The following ZSWIM9 variants were observed in gnomAD, a reference collection of about 807,000 sequenced individuals.
The protein encoded by ZSWIM9 is zinc finger SWIM-type containing 9, also known as uncharacterized protein ZSWIM9.
In ZSWIM9, 11 loss-of-function variants were observed where a neutral mutation model predicts 25.0. The observed-to-expected ratio is 0.44, with a 90% CI of 0.28 to 0.73. The LOEUF (loss-of-function observed/expected upper bound fraction) is 0.73. ZSWIM9 is among the 30% of genes least tolerant of loss of function. The probability of loss-of-function intolerance (pLI) is 0.16; values close to 1 mark genes in which losing one functional copy is unlikely to be tolerated. For synonymous variants in ZSWIM9, 562 were observed against 582.1 expected (o/e 0.97, Z 0.50); for missense variants, 1,070 against 1,296.5 (o/e 0.83, Z 2.68).
At position 48,196,744 on chromosome 19, in the gene ZSWIM9, T is replaced by C; in HGVS notation, c.2680T>C (p.Phe894Leu). 1.6e-6 allele frequency: 2 copies of C among 1,233,550 alleles called. No homozygotes were observed. Among genetic ancestry groups the C allele is most frequent in the Non-Finnish European group, 2.0e-6 (2 of 988,970 alleles). 76.4% of individuals were successfully genotyped at this position (1,233,550 alleles called of 1,614,324 possible). Residue 894 changes from phenylalanine to leucine, a missense_variant, in exon 4 of 4, where the codon TTT becomes CTT. Physicochemically the swap from Phe to Leu is conservative, Grantham distance 22. Around this residue, in one of 4 missense-constraint regions of ZSWIM9, gnomAD observed 583 missense variants for 624.7 expected, o/e 0.93. Transcript: ENST00000614654. Reference protein sequence around the residue: ...AARRLPCRHLFAARLLTGAAL... With the variant: ...AARRLPCRHLLAARLLTGAAL... ...CCGCCGTCTGCCCTGCAGACACCTCTTTGCAGCGCGCCTCCTCACTGGGGC... is the reference window on the plus strand; with the variant it reads ...CCGCCGTCTGCCCTGCAGACACCTCCTTGCAGCGCGCCTCCTCACTGGGGC...
intron 3 of ZSWIM9, among the ~76,000 whole-genome samples, chr19:48,188,472 C>T (rs1184988806): frequency 6.6e-6 from 1 of 151,944 alleles, no homozygotes; most frequent in Non-Finnish European, 1.5e-5. Flanking sequence ...GGTGATCTGC[C>T]TGCCTCGGCC....
intron 2 of ZSWIM9, among the ~76,000 whole-genome samples, chr19:48,180,103 G>A (rs1003168581): frequency 3.9e-5 from 6 of 151,906 alleles, no homozygotes; most frequent in Non-Finnish European, 8.8e-5. Flanking sequence ...CGCAACGTCC[G>A]CCTCCTGGGT....
Position 48,195,967 on chromosome 19 carries a change from G to A in ZSWIM9, c.1903G>A (p.Glu635Lys), listed in dbSNP as rs762506202. ...CTGGAGGGGGGCGCAGCTGCACGAT[G>A]AAAGGGCAGGGGGACTGAGAACTGC... is the stretch of plus-strand genomic sequence containing the variant. ...SPWRGAQLHD[E>K]RAGGLRTAEW... Residue 635 changes from glutamate (E) to lysine (K), a missense_variant, in exon 4 of 4, where the codon GAA becomes AAA. Physicochemically the swap from Glu to Lys is moderately conservative, Grantham distance 56. Coordinates refer to ENST00000614654, the MANE Select transcript of ZSWIM9 (RefSeq NM_199341.4). This position sits in a 1 kb window ranked among gnomAD's most constrained non-coding sequence, Gnocchi z 5.8. The A allele has an allele frequency of 5.8e-5, 76 of 1,314,764 alleles. No homozygotes were observed. The highest frequency in any genetic ancestry group is 7.0e-5 in the Non-Finnish European group (73 of 1,036,238). 81.4% of individuals were successfully genotyped at this position (1,314,764 alleles called of 1,614,324 possible). A position where few individuals can be genotyped will look rare whatever the true frequency, so the allele number is the denominator to read the frequency against.
At chr19:48,176,893 G>A (rs10401298) in intron 2 of ZSWIM9, among the ~76,000 whole-genome samples, 25,360 of 150,934 alleles carry the variant, frequency 0.17, 2,536 homozygotes, top group African/African-American at 0.29. Context: ...GTGAAACTCC[G>A]TCTCTACTAA....
Position 48,187,386 on chromosome 19 carries a change from A to G in ZSWIM9, c.588+4619A>G, listed in dbSNP as rs12982092. Reference sequence around the variant, plus strand: ...AGTAATATAACAGTATAATGTAATAATTAATATATTATATTAATTATATAT... The same window carrying G: ...AGTAATATAACAGTATAATGTAATAGTTAATATATTATATTAATTATATAT... On this transcript the variant is annotated intron_variant, in intron 3 of 3. Transcript: ENST00000614654. Among the ~76,000 whole-genome samples, 153 of 54,264 alleles carry G rather than the reference A, an allele frequency of 2.8e-3. 4 individuals carry two copies. Among genetic ancestry groups the G allele is most frequent in the East Asian group, 4.3e-3 (8 of 1,858 alleles). The allele number at this position is 54,264 out of a possible 152,430, so 35.6% of individuals were successfully genotyped here. A position where few individuals can be genotyped will look rare whatever the true frequency, so the allele number is the denominator to read the frequency against.
At position 48,197,425 on chromosome 19, in the gene ZSWIM9, T is replaced by G; in HGVS notation, c.*598T>G. ...AAAATCGGAGATGAGACAAAAGAAA[T>G]GTGTGGGAGACGGGTAGAGACGAAA... On this transcript the variant is annotated 3_prime_UTR_variant, in exon 4 of 4. Coordinates refer to ENST00000614654, the MANE Select transcript of ZSWIM9 (RefSeq NM_199341.4). The G allele has an allele frequency of 1.6e-6, 1 of 606,638 alleles. No individual in the cohort carries two copies. 37.6% of individuals were successfully genotyped at this position (606,638 alleles called of 1,614,324 possible). A position where few individuals can be genotyped will look rare whatever the true frequency, so the allele number is the denominator to read the frequency against.
chr19:48,188,827 C>A (rs781563114), intron 3 of ZSWIM9, among the ~76,000 whole-genome samples: 4 of 151,724 alleles, frequency 2.6e-5, no homozygotes, highest in Non-Finnish European at 5.9e-5. Context: ...GTCAGGAGAT[C>A]GAGACCAGCC....
intron 3 of ZSWIM9, among the ~76,000 whole-genome samples, chr19:48,185,894 A>G (rs901615484): frequency 6.6e-6 from 1 of 152,182 alleles, no homozygotes; most frequent in African/African-American, 2.4e-5. Flanking sequence ...GCTGAGGCAC[A>G]AGAATCGCTT....
chr19:48,179,131 T>C (rs1344876978), intron 2 of ZSWIM9, among the ~76,000 whole-genome samples: 1 of 152,096 alleles, frequency 6.6e-6, no homozygotes, highest in Non-Finnish European at 1.5e-5. Context: ...ATCAGAGAAA[T>C]ACACTCTGAT....
At position 48,194,762 on chromosome 19, in the gene ZSWIM9, G is replaced by A. The variant is rs1470137486; in HGVS notation, c.698G>A (p.Arg233Gln). Reference protein sequence around the residue: ...RRFPRMLLVDRLPGLQGALDL... With the variant: ...RRFPRMLLVDQLPGLQGALDL... ...TTCCCTCGCATGCTGCTGGTGGACCGGCTGCCGGGGCTGCAGGGCGCGCTG... is the reference window on the plus strand; with the variant it reads ...TTCCCTCGCATGCTGCTGGTGGACCAGCTGCCGGGGCTGCAGGGCGCGCTG... Residue 233 changes from arginine to glutamine, a missense_variant, in exon 4 of 4, where the codon CGG (arginine) becomes CAG (glutamine). Around this residue, in one of 4 missense-constraint regions of ZSWIM9, gnomAD observed 38 missense variants for 89.7 expected, o/e 0.42. Coordinates refer to ENST00000614654, the MANE Select transcript of ZSWIM9 (RefSeq NM_199341.4). The surrounding 1 kb of genome is among the most constrained non-coding windows in gnomAD (Gnocchi z 6.0). 1 of 1,533,126 alleles carries A rather than the reference G, an allele frequency of 6.5e-7. No individual in the cohort carries two copies. The highest frequency in any genetic ancestry group is 2.0e-5 in the Admixed American group (1 of 50,804). The allele number at this position is 1,533,126 out of a possible 1,614,324, so 95.0% of individuals were successfully genotyped here.
chr19:48,182,442 G>T lies in ZSWIM9; in HGVS notation c.276-13G>T, dbSNP rs749467662. The T allele has an allele frequency of 5.9e-6, 9 of 1,527,508 alleles. No homozygotes were observed. In the South Asian group the frequency reaches 9.6e-5, roughly 16 times the overall value. 94.6% of individuals were successfully genotyped at this position (1,527,508 alleles called of 1,614,324 possible). A position where few individuals can be genotyped will look rare whatever the true frequency, so the allele number is the denominator to read the frequency against. ...GAGTGATGTGACCAGGGCGGTGGTG[G>T]TTCCTCCCACAGGCCTCCCCAGCCC... On this transcript the variant is annotated splice_polypyrimidine_tract_variant and intron_variant, in intron 2 of 3. Transcript: ENST00000614654. This position sits in a 1 kb window ranked among gnomAD's most constrained non-coding sequence, Gnocchi z 4.6.
chr19:48,187,565 A>ATT (rs1568579812), intron 3 of ZSWIM9: 4 of 23,684 alleles, frequency 1.7e-4, no homozygotes, highest in East Asian at 2.2e-3. Flanking sequence ...TATTATATAT[A>ATT]ATATTATATA....
intron 3 of ZSWIM9, among the ~76,000 whole-genome samples, chr19:48,189,282 C>T (rs954311396): frequency 6.6e-6 from 1 of 152,128 alleles, no homozygotes; most frequent in Non-Finnish European, 1.5e-5. Context: ...TGTGGTATAT[C>T]CATCCATGGA....
chr19:48,180,595 A>C (rs73574199), intron 2 of ZSWIM9, among the ~76,000 whole-genome samples: 5,360 of 152,152 alleles, frequency 0.035, 322 homozygotes, highest in African/African-American at 0.12. Context: ...TCCCCATCTC[A>C]AGACCCTTAA....
At position 48,195,022 on chromosome 19, in the gene ZSWIM9, C is replaced by A; in HGVS notation, c.958C>A (p.Gln320Lys). Residue 320 changes from glutamine (Q) to lysine (K), a missense_variant, in exon 4 of 4, where the codon CAG becomes AAG. Gln to Lys is a moderately conservative substitution (Grantham distance 53, BLOSUM62 1). Around this residue, in one of 4 missense-constraint regions of ZSWIM9, gnomAD observed 184 missense variants for 243.1 expected, o/e 0.76. Coordinates refer to ENST00000614654, the MANE Select transcript of ZSWIM9 (RefSeq NM_199341.4). This position sits in a 1 kb window ranked among gnomAD's most constrained non-coding sequence, Gnocchi z 5.8. ...PCARVQICRA[Q>K]GLETLFSKAQ... ...CGCGCGCGTGCAGATCTGCCGCGCG[C>A]AGGGCCTGGAGACGCTCTTCAGCAA... The A allele has an allele frequency of 7.3e-7, 1 of 1,370,342 alleles. No individual in the cohort carries two copies. 84.9% of individuals were successfully genotyped at this position (1,370,342 alleles called of 1,614,324 possible).
chr19:48,192,367 T>C (rs569157781), intron 3 of ZSWIM9, among the ~76,000 whole-genome samples: 5 of 143,322 alleles, frequency 3.5e-5, no homozygotes, highest in East Asian at 2.1e-4. Context: ...GAAGAATCGC[T>C]TGAACCCGGG....
chr19:48,195,676 G>A lies in ZSWIM9; in HGVS notation c.1612G>A (p.Gly538Arg). Residue 538 changes from glycine (G) to arginine (R), a missense_variant, in exon 4 of 4, where the codon GGG becomes AGG. Transcript: ENST00000614654. The surrounding 1 kb of genome is among the most constrained non-coding windows in gnomAD (Gnocchi z 5.8). ...LENQKPRGLE[G>R]GVLRGSKLEK... ...GAATCAGAAGCCGAGGGGACTGGAA[G>A]GGGGTGTCTTGAGAGGGTCGAAGTT... is the stretch of plus-strand genomic sequence containing the variant. The A allele has an allele frequency of 6.9e-7, 1 of 1,442,766 alleles. No homozygotes were observed. Among genetic ancestry groups the A allele is most frequent in the Non-Finnish European group, 9.1e-7 (1 of 1,104,762 alleles). The allele number at this position is 1,442,766 out of a possible 1,614,324, so 89.4% of individuals were successfully genotyped here. A position where few individuals can be genotyped will look rare whatever the true frequency, so the allele number is the denominator to read the frequency against.
intron 3 of ZSWIM9, among the ~76,000 whole-genome samples, chr19:48,183,693 G>A (rs1319956418): frequency 1.3e-5 from 2 of 149,438 alleles, no homozygotes; most frequent in Non-Finnish European, 3.0e-5. Flanking sequence ...GCTGAGTGCA[G>A]TGGTGCAGTC....
intron 2 of ZSWIM9, among the ~76,000 whole-genome samples, chr19:48,177,310 G>A (rs1353344916): frequency 6.6e-6 from 1 of 152,122 alleles, no homozygotes; most frequent in Non-Finnish European, 1.5e-5. Context: ...GGATGGTTTT[G>A]GTGGAATGGA....
Sources: allele counts gnomAD v4.1 joint callset (sites outside exome capture counted in the v4.1 genomes callset), GRCh38; gene constraint gnomAD v4.1.1; regional missense constraint gnomAD v4.1.1; non-coding constraint Gnocchi (gnomAD v3.1); transcripts MANE v1.5; gene names NCBI Gene and HGNC (gene_info 2026-07-23, HGNC 2026-07-21).